The following FAM13C variants were observed in gnomAD, a reference collection of about 807,000 sequenced individuals.
FAM13C encodes family with sequence similarity 13 member C, also known as protein FAM13C.
Under a neutral mutation model 73.2 loss-of-function variants are expected in FAM13C, and 37 were observed. The ratio of observed to expected loss-of-function variants is 0.51; its 90% confidence interval spans 0.39 to 0.67. The LOEUF (loss-of-function observed/expected upper bound fraction) is 0.67. Ranked by LOEUF, FAM13C falls within the 30% of genes least tolerant of loss-of-function variation. The pLI, the probability that FAM13C is intolerant of heterozygous loss-of-function variation, is 0.00. For missense variants in FAM13C, 589 were observed against 715.6 expected (o/e 0.82, Z 2.02); for synonymous variants, 246 against 260.9 (o/e 0.94, Z 0.55).
intron 5 of FAM13C, among the ~76,000 whole-genome samples, chr10:59,287,336 CAAAAAAAAAAAAAAAAA>C (rs58759332): frequency 1.4e-5 from 1 of 73,808 alleles, no homozygotes; most frequent in Non-Finnish European, 2.3e-5. Context: ...GACTCTGTCT[CAAAAAAAAAAAAAAAAA>C]AAAAAAAAAA....
At chr10:59,305,002 C>T (rs1186688964) in intron 4 of FAM13C, among the ~76,000 whole-genome samples, 1 of 152,082 alleles carries the variant, frequency 6.6e-6, no homozygotes, top group Non-Finnish European at 1.5e-5. Context: ...GGAGAAGCAG[C>T]CTGAGGGCCA....
At chr10:59,265,844 A>G (rs572250874) in intron 8 of FAM13C, among the ~76,000 whole-genome samples, 5 of 152,324 alleles carry the variant, frequency 3.3e-5, no homozygotes, top group Admixed American at 2.0e-4. Context: ...CTCAAATCAC[A>G]TGGAAAGTTC....
At chr10:59,332,666 G>A (rs990123388) in intron 3 of FAM13C, among the ~76,000 whole-genome samples, 1 of 152,148 alleles carries the variant, frequency 6.6e-6, no homozygotes, top group African/African-American at 2.4e-5. Flanking sequence ...TGTTCTACTT[G>A]TGTTAAACTT....
At chr10:59,326,561 A>G (rs144128045) in intron 3 of FAM13C, among the ~76,000 whole-genome samples, 59 of 152,326 alleles carry the variant, frequency 3.9e-4, no homozygotes, top group African/African-American at 1.2e-3. Flanking sequence ...AGCCTTTCTT[A>G]GAAAACACCG....
chr10:59,259,439 T>C (rs1238975523), intron 10 of FAM13C, among the ~76,000 whole-genome samples: 1 of 152,192 alleles, frequency 6.6e-6, no homozygotes, highest in Non-Finnish European at 1.5e-5. Context: ...GCTATTGAGC[T>C]CATTGAGGAG....
rs61116802 is a variant in FAM13C at position 59,268,226 on chromosome 10, AAAGAAGAAG to A, written c.942+318_942+326del. Among the ~76,000 whole-genome samples the A allele has an allele frequency of 1.1e-3, 163 of 151,208 alleles. 1 individual carries two copies. The highest frequency in any genetic ancestry group is 0.01 in the Middle Eastern group (3 of 292). On this transcript the variant is annotated intron_variant, in intron 8 of 13. Coordinates refer to ENST00000618804, the MANE Select transcript of FAM13C (RefSeq NM_198215.4). ...AAAGTGAAAAAAAAAGAAAAAAGAA[AAAGAAGAAG>A]AAGAAGAAGAAGAAGACCATAATTC...
intron 3 of FAM13C, among the ~76,000 whole-genome samples, chr10:59,335,554 G>C (rs1203042786): frequency 2.0e-5 from 3 of 152,100 alleles, no homozygotes; most frequent in Non-Finnish European, 4.4e-5. Context: ...TTTCCATACA[G>C]CTTCAAGATA....
At position 59,278,859 on chromosome 10, in the gene FAM13C, CCAT is replaced by C. The variant is rs1193286720; in HGVS notation, c.592+4501_592+4503del. On this transcript the variant is annotated intron_variant, in intron 6 of 13. Coordinates refer to ENST00000618804, the MANE Select transcript of FAM13C (RefSeq NM_198215.4). ...ACACACACACACACACACACACACA[CCAT>C]AATGAATTAAGTTTCTAAAAGATAT... Among the ~76,000 whole-genome samples the C allele has an allele frequency of 2.1e-3, 308 of 149,620 alleles. 1 individual carries two copies. Among genetic ancestry groups the C allele is most frequent in the African/African-American group, 7.3e-3 (292 of 40,034 alleles).
At chr10:59,347,757 T>A (rs1265415067) in intron 3 of FAM13C, among the ~76,000 whole-genome samples, 1 of 151,890 alleles carries the variant, frequency 6.6e-6, no homozygotes, top group Non-Finnish European at 1.5e-5. Context: ...AACTCCCACT[T>A]ATGAGTGAGA....
chr10:59,357,583 A>T (rs1453610653), intron 1 of FAM13C, among the ~76,000 whole-genome samples: 1 of 152,164 alleles, frequency 6.6e-6, no homozygotes, highest in Non-Finnish European at 1.5e-5. Flanking sequence ...TGCTTCGCAA[A>T]CTCTCAGGGC....
At chr10:59,306,453 A>G (rs1336494339) in intron 4 of FAM13C, among the ~76,000 whole-genome samples, 4 of 152,180 alleles carry the variant, frequency 2.6e-5, no homozygotes, top group African/African-American at 9.7e-5. Flanking sequence ...ACAATAATAG[A>G]CAATCAGAGG....
chr10:59,246,457 A>G lies in FAM13C; in HGVS notation c.*1157T>C, dbSNP rs1589310819. ...CCCATCCAAACTATAAGAGAATGTG[A>G]ATTTCTTCAACATCATACTTAAACA... is the stretch of plus-strand genomic sequence containing the variant. On this transcript the variant is annotated 3_prime_UTR_variant, in exon 14 of 14. Coordinates refer to ENST00000618804, the MANE Select transcript of FAM13C (RefSeq NM_198215.4). 2.6e-6 allele frequency: 1 copy of G among 380,254 alleles called. No individual in the cohort carries two copies. The allele number at this position is 380,254 out of a possible 1,614,324, so 23.6% of individuals were successfully genotyped here.
chr10:59,308,007 T>C (rs1428991113), intron 4 of FAM13C, among the ~76,000 whole-genome samples: 1 of 152,166 alleles, frequency 6.6e-6, no homozygotes, highest in African/African-American at 2.4e-5. Flanking sequence ...GCTTGAACCA[T>C]TTACAATCTT....
intron 5 of FAM13C, among the ~76,000 whole-genome samples, chr10:59,296,733 C>T (rs1328591976): frequency 6.6e-6 from 1 of 152,166 alleles, no homozygotes; most frequent in Non-Finnish European, 1.5e-5. Flanking sequence ...GAACCACAGT[C>T]AGAATATAAC....
chr10:59,354,306 T>C (rs1320484774), intron 2 of FAM13C, among the ~76,000 whole-genome samples: 1 of 152,188 alleles, frequency 6.6e-6, no homozygotes. Context: ...CTTTCTTGCA[T>C]TACACAAACG....
intron 5 of FAM13C, among the ~76,000 whole-genome samples, chr10:59,289,310 A>C: frequency 6.6e-6 from 1 of 152,140 alleles, no homozygotes; most frequent in South Asian, 2.1e-4. Flanking sequence ...ACAGGCCGGT[A>C]CTGGTCCATG....
intron 8 of FAM13C, among the ~76,000 whole-genome samples, chr10:59,266,127 C>T (rs1030953777): frequency 2.0e-5 from 3 of 152,166 alleles, no homozygotes; most frequent in Admixed American, 1.3e-4. Flanking sequence ...TTCTGGGAAA[C>T]TCACTTCCCC....
Position 59,352,295 on chromosome 10 carries a change from C to T in FAM13C, c.299G>A (p.Ser100Asn). The stretch of plus-strand genomic sequence containing the variant: ...CTGACTTTCTCCGTGGCTCCTCCCG[C>T]TCTCCGCTTTGAAGATGGACTTGGG... ...RKPKSIFKAE[S>N]GRSHGESQET... Residue 100 changes from serine (S) to asparagine (N), a missense_variant, in exon 3 of 14, where the codon AGC becomes AAC. Coordinates refer to ENST00000618804, the MANE Select transcript of FAM13C (RefSeq NM_198215.4). The T allele has an allele frequency of 6.2e-7, 1 of 1,614,118 alleles. No individual in the cohort carries two copies. The highest frequency in any genetic ancestry group is 1.1e-5 in the South Asian group (1 of 91,084).
chr10:59,276,911 T>A (rs534109209), intron 6 of FAM13C, among the ~76,000 whole-genome samples: 127 of 152,296 alleles, frequency 8.3e-4, no homozygotes, highest in African/African-American at 3.0e-3. Context: ...ATGTCTGTCT[T>A]TATGATGGAC....
Sources: allele counts gnomAD v4.1 joint callset (sites outside exome capture counted in the v4.1 genomes callset), GRCh38; gene constraint gnomAD v4.1.1; transcripts MANE v1.5; gene names NCBI Gene and HGNC (gene_info 2026-07-23, HGNC 2026-07-21).